The following ABHD2 variants were observed in gnomAD, a reference collection of about 807,000 sequenced individuals.
ABHD2 encodes monoacylglycerol lipase ABHD2.
A neutral mutation model predicts 48.1 loss-of-function variants in ABHD2; 20 were observed. That is an observed-to-expected ratio of 0.42 (90% CI 0.29 to 0.60). The LOEUF (loss-of-function observed/expected upper bound fraction) is 0.60. ABHD2 is among the 20% of genes least tolerant of loss of function. The probability of loss-of-function intolerance (pLI) is 0.24; values close to 1 mark genes in which losing one functional copy is unlikely to be tolerated. For synonymous variants in ABHD2, 209 were observed against 214.2 expected (o/e 0.98, Z 0.21); for missense variants, 405 against 550.9 (o/e 0.74, Z 2.65).
intron 10 of ABHD2, among the ~76,000 whole-genome samples, chr15:89,194,027 G>C (rs2051351367): frequency 6.6e-6 from 1 of 151,968 alleles, no homozygotes; most frequent in Admixed American, 6.5e-5. Context: ...GAAGTTCGAG[G>C]CTGCAGCAAG....
At chr15:89,043,645 A>C in the ABHD2 span, among the ~76,000 whole-genome samples, 1 of 117,064 alleles carries the variant, frequency 8.5e-6, no homozygotes, top group South Asian at 3.5e-4. Context: ...AGGAGGAGGA[A>C]GGAGAAGGAG....
chr15:89,151,960 T>C lies in ABHD2; in HGVS notation c.370+108T>C. On this transcript the variant is annotated intron_variant, in intron 4 of 10. Coordinates refer to ENST00000352732, the MANE Select transcript of ABHD2 (RefSeq NM_152924.5). This position sits in a 1 kb window ranked among gnomAD's most constrained non-coding sequence, Gnocchi z 4.7. The stretch of plus-strand genomic sequence containing the variant: ...TGTGCCACTGACTCTGCCCATGGCA[T>C]CAGGGGCTGTTGGGAAGCCTGCTGG... 7.1e-7 allele frequency: 1 copy of C among 1,401,090 alleles called. No individual in the cohort carries two copies. The highest frequency in any genetic ancestry group is 9.6e-7 in the Non-Finnish European group (1 of 1,037,482). The allele number at this position is 1,401,090 out of a possible 1,614,324, so 86.8% of individuals were successfully genotyped here. A position where few individuals can be genotyped will look rare whatever the true frequency, so the allele number is the denominator to read the frequency against.
At chr15:89,068,260 T>G in the ABHD2 span, among the ~76,000 whole-genome samples, 5 of 152,124 alleles carry the variant, frequency 3.3e-5, no homozygotes, top group Admixed American at 3.3e-4. Context: ...ATTTCAGTTA[T>G]GTACTGCTAC....
In ABHD2 at chr15:89,168,178, G is replaced by C. The variant is rs989465024; in HGVS notation, c.539-7634G>C. Among the ~76,000 whole-genome samples, 4 of 152,178 alleles carry C rather than the reference G, an allele frequency of 2.6e-5. No individual in the cohort carries two copies. The highest frequency in any genetic ancestry group is 9.7e-5 in the African/African-American group (4 of 41,408). ...GCAGCCTTTGCCTTGTCCTTCTTTA[G>C]GTGTAGGGGCTTGAGAAAAAGGTGA... On this transcript the variant is annotated intron_variant, in intron 5 of 10. Coordinates refer to ENST00000352732, the MANE Select transcript of ABHD2 (RefSeq NM_152924.5). The surrounding 1 kb of genome is among the most constrained non-coding windows in gnomAD (Gnocchi z 4.8).
rs2050835909 is a variant in ABHD2, at chr15:89,166,205, G to A, written c.539-9607G>A. On this transcript the variant is annotated intron_variant, in intron 5 of 10. Transcript: ENST00000352732. The surrounding 1 kb of genome is among the most constrained non-coding windows in gnomAD (Gnocchi z 4.6). ...CTGGCTCTGGCTCCCCAAAGGTAAC[G>A]AGTCCCTTAGGATCATGAGCCTTCT... is the stretch of plus-strand genomic sequence containing the variant. Among the ~76,000 whole-genome samples the A allele has an allele frequency of 6.6e-6, 1 of 152,202 alleles. No homozygotes were observed. The highest frequency in any genetic ancestry group is 1.5e-5 in the Non-Finnish European group (1 of 68,038).
At chr15:89,062,593 G>T in the ABHD2 span, among the ~76,000 whole-genome samples, 1 of 152,080 alleles carries the variant, frequency 6.6e-6, no homozygotes, top group African/African-American at 2.4e-5. Context: ...TCACCACGTT[G>T]CCCAGGCTTG....
At chr15:89,183,384 A>AAATATATAT (rs61602174) in intron 6 of ABHD2, 113 of 46,268 alleles carry the variant, frequency 2.4e-3, no homozygotes, top group Non-Finnish European at 3.6e-3. Context: ...AAAAAAAAAA[A>AAATATATAT]ATATATATAT....
chr15:89,126,623 C>A (rs1408331186), intron 3 of ABHD2, among the ~76,000 whole-genome samples: 4 of 152,172 alleles, frequency 2.6e-5, no homozygotes, highest in Non-Finnish European at 2.9e-5. Flanking sequence ...ATAGTATATA[C>A]TTTATGGTAA....
rs906906334 is a variant in ABHD2, at chr15:89,092,746, A to G, written c.-107+4183A>G. ...GCAGAAATGGTAGCACACTGCATAC[A>G]TGCTATTTGGAACCTTGCCTTTTTC... On this transcript the variant is annotated intron_variant, in intron 1 of 10. Coordinates refer to ENST00000352732, the MANE Select transcript of ABHD2 (RefSeq NM_152924.5). The surrounding 1 kb of genome is among the most constrained non-coding windows in gnomAD (Gnocchi z 4.4). Among the ~76,000 whole-genome samples, 3 of 152,220 alleles carry G rather than the reference A, an allele frequency of 2.0e-5. No individual in the cohort carries two copies. Among genetic ancestry groups the G allele is most frequent in the African/African-American group, 7.2e-5 (3 of 41,462 alleles).
chr15:89,191,130 G>T lies in ABHD2; in HGVS notation c.977G>T (p.Cys326Phe). ...SLKEYYEEES[C>F]MRYLHRIYVP... is the part of the protein sequence containing the mutation. ...AAGGAATACTATGAGGAAGAAAGTT[G>T]CATGCGGTACCTGCACAGGGTGAGT... Residue 326 changes from cysteine to phenylalanine, a missense_variant, in exon 9 of 11, where the codon TGC becomes TTC. Coordinates refer to ENST00000352732, the MANE Select transcript of ABHD2 (RefSeq NM_152924.5). The T allele has an allele frequency of 6.2e-7, 1 of 1,613,974 alleles. No individual in the cohort carries two copies. Among genetic ancestry groups the T allele is most frequent in the South Asian group, 1.1e-5 (1 of 91,076 alleles).
the ABHD2 span, among the ~76,000 whole-genome samples, chr15:89,078,976 A>C: frequency 6.6e-6 from 1 of 152,056 alleles, no homozygotes; most frequent in African/African-American, 2.4e-5. Flanking sequence ...CAAGTGATCC[A>C]CCTGCCTCAG....
In ABHD2 at chr15:89,188,099, C is replaced by A; in HGVS notation, c.816-94C>A. The A allele has an allele frequency of 9.7e-7, 1 of 1,033,548 alleles. No individual in the cohort carries two copies. The highest frequency in any genetic ancestry group is 1.5e-6 in the Non-Finnish European group (1 of 670,940). 64.0% of individuals were successfully genotyped at this position (1,033,548 alleles called of 1,614,324 possible). ...CTATTTCTAACTGACCACGTTGGCTCTCCCTCCTGGCTTGCTGTGGCAAGG... is the reference window on the plus strand; with the variant it reads ...CTATTTCTAACTGACCACGTTGGCTATCCCTCCTGGCTTGCTGTGGCAAGG... On this transcript the variant is annotated intron_variant, in intron 7 of 10. Coordinates refer to ENST00000352732, the MANE Select transcript of ABHD2 (RefSeq NM_152924.5). This position sits in a 1 kb window ranked among gnomAD's most constrained non-coding sequence, Gnocchi z 4.1.
In ABHD2 at chr15:89,114,301, C is replaced by G. The variant is rs2049921578; in HGVS notation, c.-7+477C>G. ...AGCTGCGAACCCTCTGCCCAGAAAA[C>G]TGCTCATGTGCACAAACTTTCACAT... is the stretch of plus-strand genomic sequence containing the variant. On this transcript the variant is annotated intron_variant, in intron 2 of 10. Coordinates refer to ENST00000352732, the MANE Select transcript of ABHD2 (RefSeq NM_152924.5). The surrounding 1 kb of genome is among the most constrained non-coding windows in gnomAD (Gnocchi z 4.2). Among the ~76,000 whole-genome samples, 1 of 152,120 alleles carries G rather than the reference C, an allele frequency of 6.6e-6. No homozygotes were observed. The highest frequency in any genetic ancestry group is 2.4e-5 in the African/African-American group (1 of 41,414).
At chr15:89,101,527 G>A (rs2049700891) in intron 1 of ABHD2, among the ~76,000 whole-genome samples, 1 of 152,142 alleles carries the variant, frequency 6.6e-6, no homozygotes, top group African/African-American at 2.4e-5. Context: ...CACAGACTTA[G>A]TCAATTAGTA....
chr15:89,090,584 T>C (rs941784838), intron 1 of ABHD2, among the ~76,000 whole-genome samples: 13 of 152,032 alleles, frequency 8.6e-5, no homozygotes, highest in Non-Finnish European at 4.4e-5. Flanking sequence ...CCTTACTTAT[T>C]TTTGTGATTC....
chr15:89,192,858 A>C lies in ABHD2; in HGVS notation c.997-377A>C, dbSNP rs570126250. On this transcript the variant is annotated intron_variant, in intron 9 of 10. Coordinates refer to ENST00000352732, the MANE Select transcript of ABHD2 (RefSeq NM_152924.5). ...ACCACTGTGCCCAGCCTTGGCCTAG[A>C]TTCCTGTAGAATCTCTTTTGTCTGG... Among the ~76,000 whole-genome samples the C allele has an allele frequency of 2.6e-5, 4 of 152,302 alleles. No homozygotes were observed. The South Asian group carries it at 8.3e-4, about 32-fold the overall frequency.
chr15:89,147,847 G>A (rs1431744849), intron 3 of ABHD2, among the ~76,000 whole-genome samples: 6 of 151,022 alleles, frequency 4.0e-5, no homozygotes, highest in Non-Finnish European at 5.9e-5. Flanking sequence ...AGTGGCTCAC[G>A]CCTGTAATGC....
chr15:89,197,601 T>C lies in ABHD2; in HGVS notation c.*2178T>C, dbSNP rs1402457715. 6.6e-6 allele frequency: 1 copy of C among 152,278 alleles called. No homozygotes were observed. Among genetic ancestry groups the C allele is most frequent in the Non-Finnish European group, 1.5e-5 (1 of 68,072 alleles). The allele number at this position is 152,278 out of a possible 1,614,324, so 9.4% of individuals were successfully genotyped here. On this transcript the variant is annotated 3_prime_UTR_variant, in exon 11 of 11. Coordinates refer to ENST00000352732, the MANE Select transcript of ABHD2 (RefSeq NM_152924.5). This position sits in a 1 kb window ranked among gnomAD's most constrained non-coding sequence, Gnocchi z 4.4. ...ATGCCTGAGGCCACACCCCTTAACC[T>C]GTTCTGACAAAATAGTGGCTGGCCC...
chr15:89,183,969 C>T (rs905531060), intron 6 of ABHD2, among the ~76,000 whole-genome samples: 1 of 152,130 alleles, frequency 6.6e-6, no homozygotes, highest in Non-Finnish European at 1.5e-5. Context: ...CAGGTGAGCA[C>T]AGTCCTGCTT....
Sources: gnomAD v4.1 joint callset for allele counts (sites outside exome capture counted in the v4.1 genomes callset) on GRCh38, gnomAD v4.1.1 for gene constraint, Gnocchi (gnomAD v3.1) non-coding constraint, MANE v1.5 for transcripts, NCBI Gene and HGNC (gene_info 2026-07-23, HGNC 2026-07-21) for gene names.